The following B3GLCT variants were observed in gnomAD, a reference collection of about 807,000 sequenced individuals.
The protein encoded by B3GLCT is beta 3-glucosyltransferase, also known as beta-1,3-glucosyltransferase.
A neutral mutation model predicts 63.4 loss-of-function variants in B3GLCT; 65 were observed. The ratio of observed to expected loss-of-function variants is 1.03; its 90% CI spans 0.84 to 1.26. B3GLCT has a LOEUF of 1.26. Among genes scored for constraint, B3GLCT ranks in the 50% most tolerant of loss-of-function variants. B3GLCT has a pLI of 0.00. For missense variants in B3GLCT, 577 were observed against 604.8 expected (o/e 0.95, Z 0.48); for synonymous variants, 233 against 219.2 (o/e 1.06, Z -0.55).
In B3GLCT at chr13:31,315,419, C is replaced by T. The variant is rs576331906; in HGVS notation, c.1065-2147C>T. On this transcript the variant is annotated intron_variant, in intron 12 of 14. Coordinates refer to ENST00000343307, the MANE Select transcript of B3GLCT (RefSeq NM_194318.4). ...GCAAAGAGACTGGTGGAATTTTGCC[C>T]CTGCCCTAGAGATCTGTGGAGCCTT... 3.3e-5 allele frequency among the ~76,000 whole-genome samples: 5 copies of T among 152,224 alleles called. No homozygotes were observed. In the East Asian group the frequency reaches 9.7e-4, roughly 29 times the overall value.
chr13:31,238,361 G>C (rs1324970655), intron 4 of B3GLCT, among the ~76,000 whole-genome samples: 1 of 152,178 alleles, frequency 6.6e-6, no homozygotes, highest in African/African-American at 2.4e-5. Context: ...CTTGTTTTCT[G>C]CAACAAGGGT....
intron 7 of B3GLCT, among the ~76,000 whole-genome samples, chr13:31,265,494 C>A (rs908752662): frequency 6.6e-6 from 1 of 152,282 alleles, no homozygotes; most frequent in South Asian, 2.1e-4. Context: ...CTGTCCTAGT[C>A]CCCAGGACAA....
chr13:31,262,892 T>A (rs1160997044), intron 7 of B3GLCT, among the ~76,000 whole-genome samples: 1 of 152,198 alleles, frequency 6.6e-6, no homozygotes, highest in African/African-American at 2.4e-5. Context: ...AAGTCCCACG[T>A]GGCTGTGATT....
chr13:31,329,286 G>A (rs535902609), intron 14 of B3GLCT, among the ~76,000 whole-genome samples: 63 of 152,342 alleles, frequency 4.1e-4, no homozygotes, highest in African/African-American at 1.4e-3. Flanking sequence ...GCAAAAAGCA[G>A]TGCATTTGGG....
chr13:31,269,607 T>A (rs1387300288), intron 8 of B3GLCT, among the ~76,000 whole-genome samples: 1 of 151,966 alleles, frequency 6.6e-6, no homozygotes, highest in African/African-American at 2.4e-5. Flanking sequence ...GCTTCGGTTG[T>A]ACGTATGCCA....
At chr13:31,287,409 G>A (rs776018114) in intron 12 of B3GLCT, among the ~76,000 whole-genome samples, 18 of 152,138 alleles carry the variant, frequency 1.2e-4, no homozygotes, top group Non-Finnish European at 2.1e-4. Context: ...TGAGAACAGC[G>A]TGTAAGAGGG....
chr13:31,255,438 T>C lies in B3GLCT; in HGVS notation c.460-5508T>C, dbSNP rs147840038. Among the ~76,000 whole-genome samples, 739 of 152,158 alleles carry C rather than the reference T, an allele frequency of 4.9e-3. 7 individuals are homozygous for C. Among genetic ancestry groups the C allele is most frequent in the African/African-American group, 0.017 (714 of 41,510 alleles). On this transcript the variant is annotated intron_variant, in intron 6 of 14. Transcript: ENST00000343307. ...GCTACCATTGACTTTCTTCACAGAA[T>C]TGGAAAAAACTACTTTAAATTTCAT...
intron 4 of B3GLCT, among the ~76,000 whole-genome samples, chr13:31,242,557 T>C (rs369862425): frequency 1.3e-5 from 2 of 152,250 alleles, no homozygotes; most frequent in Non-Finnish European, 2.9e-5. Context: ...CATGAGAGAA[T>C]GAGGTGGCAG....
intron 7 of B3GLCT, among the ~76,000 whole-genome samples, chr13:31,266,735 G>T (rs1334255936): frequency 1.3e-5 from 2 of 152,134 alleles, no homozygotes; most frequent in African/African-American, 4.8e-5. Flanking sequence ...ATATTCATTT[G>T]TCCTCTCATC....
chr13:31,251,103 G>A (rs934222012), intron 6 of B3GLCT, among the ~76,000 whole-genome samples: 1 of 152,178 alleles, frequency 6.6e-6, no homozygotes, highest in African/African-American at 2.4e-5. Context: ...GCAAACTCCA[G>A]CAGACCTGTA....
In B3GLCT at chr13:31,323,826, T is replaced by C. The variant is rs749572723; in HGVS notation, c.1260T>C (p.Asp420=). ...KCRCYSNDAP[D]DMVLGMCFSG... ...GATGCTACAGCAATGATGCTCCCGA[T>C]GATATGGTCCTGGGAATGTGCTTTA... Residue 420 remains aspartate (D), a synonymous_variant, in exon 14 of 15, where the codon GAT becomes GAC. Coordinates refer to ENST00000343307, the MANE Select transcript of B3GLCT (RefSeq NM_194318.4). 3.6e-5 allele frequency: 58 copies of C among 1,613,616 alleles called. No individual in the cohort carries two copies. Among genetic ancestry groups the C allele is most frequent in the Non-Finnish European group, 4.7e-5 (55 of 1,179,642 alleles).
At chr13:31,222,839 A>G in intron 2 of B3GLCT, 113 bp from the exon 3 acceptor site, 1 of 765,164 alleles carries the variant, frequency 1.3e-6, no homozygotes, top group Non-Finnish European at 2.3e-6. Context: ...TCCGTTTTTC[A>G]AATCTTCCTC....
chr13:31,205,553 C>T (rs1002124287), intron 1 of B3GLCT, among the ~76,000 whole-genome samples: 15 of 151,866 alleles, frequency 9.9e-5, no homozygotes, highest in East Asian at 5.8e-4. Context: ...AGTGAGACTC[C>T]GTCTAAAAGA....
intron 6 of B3GLCT, among the ~76,000 whole-genome samples, chr13:31,248,348 A>G (rs1871285231): frequency 6.6e-6 from 1 of 152,238 alleles, no homozygotes; most frequent in Non-Finnish European, 1.5e-5. Context: ...TGCCAGCTGT[A>G]TACTGAGCAC....
chr13:31,282,659 A>AT (rs1873132753), intron 10 of B3GLCT, among the ~76,000 whole-genome samples: 1 of 151,906 alleles, frequency 6.6e-6, no homozygotes, highest in Admixed American at 6.6e-5. Context: ...CAAAAAAAAA[A>AT]AAAAAAATGA....
chr13:31,277,132 A>G (rs568154381), intron 10 of B3GLCT, among the ~76,000 whole-genome samples: 1 of 152,322 alleles, frequency 6.6e-6, no homozygotes, highest in South Asian at 2.1e-4. Context: ...GAAGAATGTC[A>G]GGGGATTTCA....
intron 4 of B3GLCT, 50 bp from the exon 5 acceptor site, chr13:31,246,973 T>TTTTTTTGTG: frequency 1.6e-6 from 2 of 1,235,780 alleles, no homozygotes; most frequent in East Asian, 2.3e-5. Flanking sequence ...TTTTACTTTT[T>TTTTTTTGTG]TTCGGAGTAG....
chr13:31,323,824 G>T lies in B3GLCT; in HGVS notation c.1258G>T (p.Asp420Tyr). Residue 420 changes from aspartate (D) to tyrosine (Y), a missense_variant, in exon 14 of 15, where the codon GAT becomes TAT. Asp to Tyr is a radical substitution (Grantham distance 160, BLOSUM62 -3). Coordinates refer to ENST00000343307, the MANE Select transcript of B3GLCT (RefSeq NM_194318.4). ...TCGATGCTACAGCAATGATGCTCCC[G>T]ATGATATGGTCCTGGGAATGTGCTT... is the stretch of plus-strand genomic sequence containing the variant. ...KCRCYSNDAP[D>Y]DMVLGMCFSG... The T allele has an allele frequency of 1.2e-6, 2 of 1,614,144 alleles. No homozygotes were observed. The highest frequency in any genetic ancestry group is 1.7e-6 in the Non-Finnish European group (2 of 1,179,986).
chr13:31,200,262 GC>G (rs895049331), intron 1 of B3GLCT, 108 bp downstream of exon 1: 1 of 549,106 alleles, frequency 1.8e-6, no homozygotes, highest in African/African-American at 2.1e-5. Flanking sequence ...GCCCAGCCCT[GC>G]CCCGCCGGCG....
Sources: allele counts gnomAD v4.1 joint callset (sites outside exome capture counted in the v4.1 genomes callset), GRCh38; gene constraint gnomAD v4.1.1; transcripts MANE v1.5; gene names NCBI Gene and HGNC (gene_info 2026-07-23, HGNC 2026-07-21).